Variants in UBE2E2 observed in about 807,000 individuals in gnomAD.
UBE2E2 encodes ubiquitin conjugating enzyme E2 E2.
UBE2E2 carries 6 observed loss-of-function variants against 24.7 expected under a neutral mutation model. The observed-to-expected ratio is 0.24, with a 90% CI of 0.13 to 0.48. The LOEUF (loss-of-function observed/expected upper bound fraction) is 0.48, where lower values mean the gene tolerates loss of function less well. Ranked by LOEUF, UBE2E2 falls within the 20% of genes least tolerant of loss-of-function variation. UBE2E2 has a pLI of 0.99. For synonymous variants in UBE2E2, 104 were observed against 83.6 expected (o/e 1.24, Z -1.33); for missense variants, 169 against 245.0 (o/e 0.69, Z 2.07).
chr3:23,299,246 A>G (rs13089963), intron 3 of UBE2E2, among the ~76,000 whole-genome samples: 16,066 of 152,150 alleles, frequency 0.11, 974 homozygotes, highest in East Asian at 0.13. Flanking sequence ...TCCTGGTTTC[A>G]TTAATCTTTT....
chr3:23,256,174 T>A (rs1406189974), intron 3 of UBE2E2, among the ~76,000 whole-genome samples: 5 of 152,246 alleles, frequency 3.3e-5, no homozygotes, highest in Non-Finnish European at 7.3e-5. Flanking sequence ...GTTCTTAATT[T>A]CTGGTTACAG....
intron 3 of UBE2E2, among the ~76,000 whole-genome samples, chr3:23,383,893 A>T (rs1179705036): frequency 2.2e-5 from 3 of 134,932 alleles, no homozygotes; most frequent in Non-Finnish European, 4.7e-5. Context: ...TTATTTCTTT[A>T]AAAAAAAAAA....
rs772556230 is a variant in UBE2E2 at position 23,478,894 on chromosome 3, ATAT to A, written c.228-20712_228-20710del. Among the ~76,000 whole-genome samples the A allele has an allele frequency of 3.1e-4, 9 of 28,754 alleles. No individual in the cohort carries two copies. In the East Asian group the frequency reaches 0.015, roughly 47 times the overall value. 18.9% of individuals were successfully genotyped at this position (28,754 alleles called of 152,430 possible). ...CATCTGTACAAATATATATATATAT[ATAT>A]TTTTTTTTTAATTAGCTGAGCATGG... On this transcript the variant is annotated intron_variant, in intron 3 of 5. Transcript: ENST00000396703.
intron 3 of UBE2E2, among the ~76,000 whole-genome samples, chr3:23,256,472 CAAAA>C (rs147064855): frequency 0.26 from 39,919 of 151,152 alleles, 5,571 homozygotes; most frequent in Non-Finnish European, 0.32. Flanking sequence ...TAATTTTTGA[CAAAA>C]AAAACTGTAG....
chr3:23,564,121 G>A (rs1020067696), intron 5 of UBE2E2, among the ~76,000 whole-genome samples: 3 of 151,992 alleles, frequency 2.0e-5, no homozygotes, highest in African/African-American at 4.8e-5. Context: ...ATAGGTACAC[G>A]TACAAATGAT....
intron 5 of UBE2E2, among the ~76,000 whole-genome samples, chr3:23,579,633 G>A (rs958159614): frequency 1.3e-5 from 2 of 151,284 alleles, no homozygotes; most frequent in Non-Finnish European, 2.9e-5. Context: ...CCAGGATCGC[G>A]AAGTTACAGT....
upstream of UBE2E2, chr3:23,203,223 G>A (rs1696007360): frequency 1.0e-6 from 1 of 988,146 alleles, no homozygotes; most frequent in African/African-American, 1.7e-5. Context: ...AGGAGCCGGA[G>A]CTGGAACGGC....
At chr3:23,487,252 G>A (rs34916962) in intron 3 of UBE2E2, among the ~76,000 whole-genome samples, 9,253 of 152,312 alleles carry the variant, frequency 0.061, 458 homozygotes, top group Non-Finnish European at 0.088. Context: ...CTGGGATTGG[G>A]AAGAGGCCAG....
At chr3:23,277,949 C>G (rs973156559) in intron 3 of UBE2E2, among the ~76,000 whole-genome samples, 11 of 152,102 alleles carry the variant, frequency 7.2e-5, no homozygotes, top group Admixed American at 2.0e-4. Flanking sequence ...ATATTTTTCT[C>G]TTCTTGGGCG....
chr3:23,313,125 G>A (rs779315290), intron 3 of UBE2E2, among the ~76,000 whole-genome samples: 4 of 151,946 alleles, frequency 2.6e-5, no homozygotes, highest in African/African-American at 2.4e-5. Context: ...CCTACAGTGC[G>A]GATTAAGTCT....
At chr3:23,247,814 T>C (rs1283230252) in intron 3 of UBE2E2, among the ~76,000 whole-genome samples, 1 of 152,188 alleles carries the variant, frequency 6.6e-6, no homozygotes, top group African/African-American at 2.4e-5. Context: ...ATTTACTCCT[T>C]CTTCCTCCCC....
intron 3 of UBE2E2, chr3:23,449,940 C>G: frequency 1.0e-6 from 1 of 985,306 alleles, no homozygotes; most frequent in Non-Finnish European, 1.2e-6. Context: ...GGAAATGTAC[C>G]CCTGAAGAGG....
chr3:23,436,608 G>A (rs2072157763), intron 3 of UBE2E2, among the ~76,000 whole-genome samples: 1 of 150,432 alleles, frequency 6.6e-6, no homozygotes, highest in African/African-American at 2.5e-5. Flanking sequence ...AGCTGCGATT[G>A]AGCCGCTACA....
chr3:23,535,795 G>T (rs900533282), intron 5 of UBE2E2, among the ~76,000 whole-genome samples: 4 of 151,806 alleles, frequency 2.6e-5, no homozygotes, highest in Non-Finnish European at 4.4e-5. Context: ...CTAATTTTTT[G>T]TATTTTTAGT....
intron 5 of UBE2E2, 100 bp downstream of exon 5, chr3:23,532,801 G>A: frequency 9.3e-7 from 1 of 1,075,832 alleles, no homozygotes; most frequent in Non-Finnish European, 1.3e-6. Flanking sequence ...TACCACCACT[G>A]CTTCTACTAC....
At chr3:23,379,483 G>A (rs1696610107) in intron 3 of UBE2E2, among the ~76,000 whole-genome samples, 1 of 147,124 alleles carries the variant, frequency 6.8e-6, no homozygotes, top group African/African-American at 2.5e-5. Flanking sequence ...CTATGAGTGA[G>A]AATATGCGGT....
intron 3 of UBE2E2, among the ~76,000 whole-genome samples, chr3:23,469,273 C>T (rs564276385): frequency 6.6e-6 from 1 of 152,268 alleles, no homozygotes; most frequent in African/African-American, 2.4e-5. Flanking sequence ...GTGGGGGACA[C>T]AAACATTCTA....
At chr3:23,393,367 T>C (rs1696998351) in intron 3 of UBE2E2, among the ~76,000 whole-genome samples, 1 of 152,142 alleles carries the variant, frequency 6.6e-6, no homozygotes, top group South Asian at 2.1e-4. Context: ...GCTCAGGATA[T>C]ATGAGAGTTT....
chr3:23,423,620 A>G (rs992868306), intron 3 of UBE2E2, among the ~76,000 whole-genome samples: 5 of 152,204 alleles, frequency 3.3e-5, no homozygotes, highest in African/African-American at 9.6e-5. Flanking sequence ...GCCATAATCT[A>G]TATAATGCTT....
Sources: gnomAD v4.1 joint callset for allele counts (sites outside exome capture counted in the v4.1 genomes callset) on GRCh38, gnomAD v4.1.1 for gene constraint, MANE v1.5 for transcripts, NCBI Gene and HGNC (gene_info 2026-07-23, HGNC 2026-07-21) for gene names.